Variants in LMBRD2 observed in about 807,000 individuals in gnomAD.
The protein encoded by LMBRD2 is G protein-coupled receptor-associated protein LMBRD2.
In LMBRD2, 55 loss-of-function variants were observed where a neutral mutation model predicts 94.4. The ratio of observed to expected loss-of-function variants is 0.58; its 90% CI spans 0.47 to 0.73. The LOEUF (loss-of-function observed/expected upper bound fraction) is 0.73, where lower values mean the gene tolerates loss of function less well. Ranked by LOEUF, LMBRD2 falls within the 30% of genes least tolerant of loss-of-function variation. The probability of loss-of-function intolerance (pLI) is 0.00; values close to 1 mark genes in which losing one functional copy is unlikely to be tolerated. For synonymous variants in LMBRD2, 246 were observed against 272.4 expected, an observed-to-expected ratio of 0.90 and a Z score of 0.95; for missense variants, 640 against 831.9, an observed-to-expected ratio of 0.77 and a Z score of 2.84.
At chr5:36,129,498 A>C (rs1744083531) in intron 6 of LMBRD2, among the ~76,000 whole-genome samples, 1 of 152,172 alleles carries the variant, frequency 6.6e-6, no homozygotes. Flanking sequence ...TTATCCTAGA[A>C]TAACATATCC....
At chr5:36,135,490 C>G (rs1744250371) in intron 6 of LMBRD2, among the ~76,000 whole-genome samples, 1 of 152,048 alleles carries the variant, frequency 6.6e-6, no homozygotes, top group African/African-American at 2.4e-5. Flanking sequence ...ATGACCAGTG[C>G]AAGAAAATAG....
chr5:36,141,436 A>G (rs1744407289), intron 3 of LMBRD2, among the ~76,000 whole-genome samples: 1 of 152,232 alleles, frequency 6.6e-6, no homozygotes. Flanking sequence ...TAAGTTTTCA[A>G]CTTTCAGTGT....
At chr5:36,138,476 C>T (rs938091319) in intron 4 of LMBRD2, among the ~76,000 whole-genome samples, 1 of 152,166 alleles carries the variant, frequency 6.6e-6, no homozygotes, top group Non-Finnish European at 1.5e-5. Flanking sequence ...TAATTCTATG[C>T]TTATAAAGTT....
At chr5:36,147,000 T>C (rs1212551202) in intron 1 of LMBRD2, among the ~76,000 whole-genome samples, 3 of 151,282 alleles carry the variant, frequency 2.0e-5, no homozygotes, top group Admixed American at 6.6e-5. Flanking sequence ...CTGAATATTT[T>C]AGAAGCAGCA....
intron 6 of LMBRD2, among the ~76,000 whole-genome samples, chr5:36,135,733 T>C (rs1372046265): frequency 6.6e-6 from 1 of 152,212 alleles, no homozygotes; most frequent in Non-Finnish European, 1.5e-5. Flanking sequence ...AGAAAAATTT[T>C]ATAATTTGTT....
intron 16 of LMBRD2, among the ~76,000 whole-genome samples, chr5:36,106,600 C>T (rs72744525): frequency 0.063 from 9,467 of 149,544 alleles, 390 homozygotes; most frequent in Middle Eastern, 0.1. Flanking sequence ...ACCTCCTCCT[C>T]CTGAGTTCAA....
intron 1 of LMBRD2, among the ~76,000 whole-genome samples, chr5:36,146,411 C>T (rs1744539089): frequency 6.6e-6 from 1 of 152,158 alleles, no homozygotes; most frequent in South Asian, 2.1e-4. Flanking sequence ...CACACTGTCG[C>T]CCAGGCCGGA....
chr5:36,142,332 A>C (rs1339449746), intron 3 of LMBRD2, among the ~76,000 whole-genome samples, 170 bp downstream of exon 3: 1 of 152,202 alleles, frequency 6.6e-6, no homozygotes, highest in Non-Finnish European at 1.5e-5. Flanking sequence ...ATTAGATTTA[A>C]TTAGAATATG....
chr5:36,110,717 A>C (rs1247598146), intron 14 of LMBRD2, among the ~76,000 whole-genome samples: 1 of 152,090 alleles, frequency 6.6e-6, no homozygotes, highest in Non-Finnish European at 1.5e-5. Flanking sequence ...ATTTGATTCT[A>C]CTAGAGTACC....
intron 6 of LMBRD2, among the ~76,000 whole-genome samples, chr5:36,130,390 C>T (rs1744124560): frequency 6.6e-6 from 1 of 152,018 alleles, no homozygotes; most frequent in Admixed American, 6.6e-5. Flanking sequence ...AGATATTACT[C>T]ACAAGCCTCA....
chr5:36,120,506 G>A (rs181605606), intron 9 of LMBRD2, among the ~76,000 whole-genome samples: 43 of 152,130 alleles, frequency 2.8e-4, no homozygotes, highest in African/African-American at 6.0e-4. Flanking sequence ...TGATCTGCCC[G>A]CCTCGGCCTC....
intron 6 of LMBRD2, among the ~76,000 whole-genome samples, chr5:36,128,730 A>C (rs1156331974): frequency 6.6e-6 from 1 of 152,002 alleles, no homozygotes; most frequent in African/African-American, 2.4e-5. Flanking sequence ...GCCTCAAAAA[A>C]ATTAAATAAA....
chr5:36,126,942 T>C (rs1300925593), intron 6 of LMBRD2, among the ~76,000 whole-genome samples: 1 of 152,238 alleles, frequency 6.6e-6, no homozygotes, highest in Admixed American at 6.5e-5. Flanking sequence ...AACTTCCTGA[T>C]ATCTGCCCAG....
rs140201899 is a variant in LMBRD2, at chr5:36,134,805, G to C, written c.747+1504C>G. ...AGTTTGTAGTAGTTTTGTTACAGCA[G>C]TCCTAGGAAGCTAATAAAGCTTCCC... On this transcript the variant is annotated intron_variant, in intron 6 of 17. Transcript: ENST00000296603. Among the ~76,000 whole-genome samples, 8 of 152,228 alleles carry C rather than the reference G, an allele frequency of 5.3e-5. No homozygotes were observed. The East Asian group carries it at 1.5e-3, about 29-fold the overall frequency.
chr5:36,132,989 C>T (rs1744188745), intron 6 of LMBRD2, among the ~76,000 whole-genome samples: 1 of 146,438 alleles, frequency 6.8e-6, no homozygotes, highest in African/African-American at 2.6e-5. Context: ...GTTTGGAGGC[C>T]CCTCAAAAAA....
At position 36,114,332 on chromosome 5, in the gene LMBRD2, T is replaced by G. The variant is rs946817372; in HGVS notation, c.1640+92A>C. On this transcript the variant is annotated intron_variant, in intron 13 of 17. Coordinates refer to ENST00000296603, the MANE Select transcript of LMBRD2 (RefSeq NM_001007527.2). ...TCTCCAAAGCTACAATGAAACAAAC[T>G]GAAACTCAATCAGTAAATATTTAAA... The G allele has an allele frequency of 2.0e-5, 29 of 1,425,596 alleles. 1 individual carries two copies. In the African/African-American group the frequency reaches 4.4e-4, roughly 22 times the overall value. The allele number at this position is 1,425,596 out of a possible 1,614,324, so 88.3% of individuals were successfully genotyped here.
chr5:36,139,683 C>A (rs1448729736), intron 4 of LMBRD2, among the ~76,000 whole-genome samples: 1 of 152,210 alleles, frequency 6.6e-6, no homozygotes, highest in Non-Finnish European at 1.5e-5. Flanking sequence ...TACTTCAGGT[C>A]TCCTCTCTAC....
intron 6 of LMBRD2, among the ~76,000 whole-genome samples, chr5:36,135,314 T>G (rs1744245639): frequency 6.6e-6 from 1 of 152,198 alleles, no homozygotes; most frequent in Non-Finnish European, 1.5e-5. Context: ...AATATATGTA[T>G]AGTGCTTAGA....
chr5:36,148,493 G>C (rs1744607496), intron 1 of LMBRD2, among the ~76,000 whole-genome samples: 1 of 152,206 alleles, frequency 6.6e-6, no homozygotes, highest in Non-Finnish European at 1.5e-5. Context: ...CATTTTGATA[G>C]AGAATAATCT....
Sources: gnomAD v4.1 joint callset for allele counts (sites outside exome capture counted in the v4.1 genomes callset) on GRCh38, gnomAD v4.1.1 for gene constraint, MANE v1.5 for transcripts, NCBI Gene and HGNC (gene_info 2026-07-23, HGNC 2026-07-21) for gene names.